ADGRE3: variants seen among roughly 807,000 people sequenced by gnomAD.
ADGRE3 encodes EGF-like module receptor 3.
ADGRE3 carries 88 observed loss-of-function variants against 80.1 expected under a neutral mutation model. The ratio of observed to expected loss-of-function variants is 1.10; its 90% CI spans 0.93 to 1.31. ADGRE3 has a LOEUF of 1.31. ADGRE3 is among the 40% of genes most tolerant of loss of function. The pLI is 0.00. For missense variants in ADGRE3, 715 were observed against 776.5 expected, an observed-to-expected ratio of 0.92 and a Z score of 0.94; for synonymous variants, 281 against 294.8, an observed-to-expected ratio of 0.95 and a Z score of 0.48.
At chr19:14,666,666 C>T (rs528610245) in intron 2 of ADGRE3, among the ~76,000 whole-genome samples, 4 of 152,164 alleles carry the variant, frequency 2.6e-5, no homozygotes, top group Non-Finnish European at 5.9e-5. Context: ...CGTGAGCCAC[C>T]GTGCCTGGCC....
the ADGRE3 span, among the ~76,000 whole-genome samples, chr19:14,612,352 T>C: frequency 6.6e-6 from 1 of 152,166 alleles, no homozygotes; most frequent in Non-Finnish European, 1.5e-5. Flanking sequence ...TCTTTTGTTT[T>C]TGAGACAGGG....
Position 14,623,304 on chromosome 19 carries a change from A to AAAAAAAAAAT in ADGRE3, c.1920+2187_1920+2188insATTTTTTTTT, listed in dbSNP as rs1555753589. ...AATACTTAAAAAAAAAAAAATAAAAAAAAAAAAAAATAAAACTCCTGGACT... is the reference window on the plus strand; with the variant it reads ...AATACTTAAAAAAAAAAAAATAAAAAAAAAAAAAATAAAAAAAAAATAAAACTCCTGGACT... On this transcript the variant is annotated intron_variant, in intron 15 of 15. Coordinates refer to ENST00000253673, the MANE Select transcript of ADGRE3 (RefSeq NM_032571.5). 2.9e-4 allele frequency among the ~76,000 whole-genome samples: 8 copies of AAAAAAAAAAT among 27,450 alleles called. 2 individuals carry two copies. Among genetic ancestry groups the AAAAAAAAAAT allele is most frequent in the African/African-American group, 1.2e-3 (8 of 6,564 alleles). 18.0% of individuals were successfully genotyped at this position (27,450 alleles called of 152,430 possible). A position where few individuals can be genotyped will look rare whatever the true frequency, so the allele number is the denominator to read the frequency against.
intron 6 of ADGRE3, among the ~76,000 whole-genome samples, chr19:14,651,513 G>A (rs1398716307): frequency 6.6e-6 from 1 of 152,220 alleles, no homozygotes; most frequent in Non-Finnish European, 1.5e-5. Context: ...CTCTATAGAT[G>A]AGGAAACTGA....
At chr19:14,613,098 G>T in the ADGRE3 span, among the ~76,000 whole-genome samples, 1 of 151,538 alleles carries the variant, frequency 6.6e-6, no homozygotes, top group Non-Finnish European at 1.5e-5. Context: ...GCTAATTTTT[G>T]TATTTTTAGT....
At chr19:14,607,369 A>G in the ADGRE3 span, among the ~76,000 whole-genome samples, 8 of 124,816 alleles carry the variant, frequency 6.4e-5, no homozygotes, top group Non-Finnish European at 1.4e-4. Flanking sequence ...ATGCCCGGCT[A>G]ATTTTTTGTA....
intron 6 of ADGRE3, among the ~76,000 whole-genome samples, chr19:14,653,136 C>T (rs1971653533): frequency 6.6e-6 from 1 of 151,544 alleles, no homozygotes; most frequent in African/African-American, 2.4e-5. Flanking sequence ...GCATGCACCA[C>T]CACGCCTGGC....
intron 5 of ADGRE3, among the ~76,000 whole-genome samples, chr19:14,655,607 C>T (rs755042236): frequency 2.6e-5 from 4 of 151,868 alleles, no homozygotes; most frequent in Admixed American, 6.6e-5. Flanking sequence ...AGGTGCACAC[C>T]GCCATGCTTG....
chr19:14,650,642 TCTCTCTCTC>T (rs1971575029), intron 7 of ADGRE3, among the ~76,000 whole-genome samples: 12 of 87,378 alleles, frequency 1.4e-4, no homozygotes, highest in East Asian at 4.5e-4. Context: ...TCTCTCTCTC[TCTCTCTCTC>T]TCTCTCTCTC....
intron 8 of ADGRE3, 29 bp downstream of exon 8, chr19:14,647,152 C>T (rs528128071): frequency 4.4e-6 from 7 of 1,602,128 alleles, no homozygotes; most frequent in Non-Finnish European, 5.1e-6. Flanking sequence ...CTTGAGAACC[C>T]ACAAGCTCAA....
At chr19:14,651,644 A>G (rs773807530) in intron 6 of ADGRE3, among the ~76,000 whole-genome samples, 1 of 152,170 alleles carries the variant, frequency 6.6e-6, no homozygotes, top group Non-Finnish European at 1.5e-5. Context: ...ACGATTGTGG[A>G]TGGAGGGCAG....
chr19:14,653,487 T>C lies in ADGRE3; in HGVS notation c.577+1495A>G, dbSNP rs114028495. On this transcript the variant is annotated intron_variant, in intron 6 of 15. Transcript: ENST00000253673. ...ATCATAATTATAGCAATTACTACCG[T>C]AGTTTTTCTTCTTTCTTAAAAGTTT... Among the ~76,000 whole-genome samples, 844 of 152,034 alleles carry C rather than the reference T, an allele frequency of 5.6e-3. 5 individuals are homozygous for C. The highest frequency in any genetic ancestry group is 0.019 in the African/African-American group (802 of 41,330).
chr19:14,633,235 C>T lies in ADGRE3; in HGVS notation c.1551+1G>A, dbSNP rs1488515395. 1.9e-6 allele frequency: 3 copies of T among 1,611,970 alleles called. No individual in the cohort carries two copies. Among genetic ancestry groups the T allele is most frequent in the South Asian group, 2.2e-5 (2 of 90,880 alleles). On this transcript the variant is annotated splice_donor_variant, in intron 12 of 15. Coordinates refer to ENST00000253673, the MANE Select transcript of ADGRE3 (RefSeq NM_032571.5). LOFTEE classifies it high-confidence loss of function. The stretch of plus-strand genomic sequence containing the variant: ...TGGGAACATCGAAGGCACATACTCA[C>T]AGAGAAAATGGCACAGACTGGGCCA...
At chr19:14,621,320 T>A (rs1276914467) in intron 15 of ADGRE3, among the ~76,000 whole-genome samples, 1 of 149,844 alleles carries the variant, frequency 6.7e-6, no homozygotes, top group Non-Finnish European at 1.5e-5. Context: ...CCGGGTGTGG[T>A]GGCGGGCGCA....
chr19:14,624,340 C>T (rs111231461), intron 15 of ADGRE3, among the ~76,000 whole-genome samples: 1 of 149,848 alleles, frequency 6.7e-6, no homozygotes, highest in African/African-American at 2.6e-5. Flanking sequence ...GTGATCTGCC[C>T]ACCTCGGCCT....
chr19:14,644,419 C>T, intron 8 of ADGRE3, 144 bp from the exon 9 acceptor site: 1 of 507,146 alleles, frequency 2.0e-6, no homozygotes. Context: ...TTCCTGGGTT[C>T]AAGCGATTCT....
Position 14,644,171 on chromosome 19 carries a change from A to T in ADGRE3, c.987T>A (p.Ser329Arg). ...GGTGACTGCAATTACACATGGTGTG[A>T]CTCTTGTTCACGTGTATCAGGAAGC... ...DGCFLIHVNK[S>R]HTMCNCSHLS... Residue 329 changes from serine (S) to arginine (R), a missense_variant, in exon 9 of 16, where the codon AGT becomes AGA. Physicochemically the swap from Ser to Arg is moderately radical, Grantham distance 110. Transcript: ENST00000253673. 6.2e-7 allele frequency: 1 copy of T among 1,606,452 alleles called. No individual in the cohort carries two copies. Among genetic ancestry groups the T allele is most frequent in the South Asian group, 1.1e-5 (1 of 90,096 alleles).
intron 3 of ADGRE3, among the ~76,000 whole-genome samples, chr19:14,662,903 C>CAAAAAAAAAAAAAAAAAAAAAAAAAAA (rs1209543540): frequency 1.1e-5 from 1 of 92,592 alleles, no homozygotes. Flanking sequence ...TCCATCTCTA[C>CAAAAAAAAAAAAAAAAAAAAAAAAAAA]AAAAAAAAAA....
In ADGRE3 at chr19:14,620,564, ATATATTTTTTTTTTTTTTTT is replaced by A. The variant is rs1970568480; in HGVS notation, c.1921-1113_1921-1094del. 1.3e-3 allele frequency among the ~76,000 whole-genome samples: 43 copies of A among 34,342 alleles called. 6 individuals carry two copies. The highest frequency in any genetic ancestry group is 7.0e-3 in the East Asian group (5 of 716). The allele number at this position is 34,342 out of a possible 152,430, so 22.5% of individuals were successfully genotyped here. ...ATATATATATTATATATATATATATATATATTTTTTTTTTTTTTTTTTTTTTTTTTTTTGAGACAGGGTTT... is the reference window on the plus strand; with the variant it reads ...ATATATATATTATATATATATATATATTTTTTTTTTTTTGAGACAGGGTTT... On this transcript the variant is annotated intron_variant, in intron 15 of 15. Coordinates refer to ENST00000253673, the MANE Select transcript of ADGRE3 (RefSeq NM_032571.5).
At chr19:14,668,108 G>T (rs1386324491) in intron 2 of ADGRE3, among the ~76,000 whole-genome samples, 1 of 152,000 alleles carries the variant, frequency 6.6e-6, no homozygotes, top group African/African-American at 2.4e-5. Flanking sequence ...GCAAAAATTA[G>T]CCCACAGTGG....
Sources: allele counts gnomAD v4.1 joint callset (sites outside exome capture counted in the v4.1 genomes callset), GRCh38; gene constraint gnomAD v4.1.1; transcripts MANE v1.5; gene names NCBI Gene and HGNC (gene_info 2026-07-23, HGNC 2026-07-21).